The following PNMA6A variants were observed in gnomAD, a reference collection of about 807,000 sequenced individuals.
The protein encoded by PNMA6A is PNMA family member 6A.
For synonymous variants in PNMA6A, 2 were observed against 49.3 expected, an observed-to-expected ratio of 0.04 and a Z score of 4.02; for missense variants, 8 against 103.5, an observed-to-expected ratio of 0.08 and a Z score of 4.00.
Position 153,074,630 on chromosome X carries a change from T to G in PNMA6A, c.*368T>G, listed in dbSNP as rs1313181110. The G allele has an allele frequency of 1.4e-5, 3 of 215,707 alleles. No homozygotes were observed. Among genetic ancestry groups the G allele is most frequent in the East Asian group, 1.2e-4 (1 of 8,142 alleles). The allele number at this position is 215,707 out of a possible 1,213,427, so 17.8% of individuals were successfully genotyped here. On this transcript the variant is annotated 3_prime_UTR_variant, in exon 2 of 2. Coordinates refer to ENST00000421798, the MANE Select transcript of PNMA6A (RefSeq NM_032882.6). ...GCGTAGATCTAGGCCAGGGGCTGCT[T>G]GTTTTTGTGGAGCCGTGTGTGTTCT...
chrX:153,074,465 A>ACCCCCGGGTCCTGTTCTTTCT lies in PNMA6A; in HGVS notation c.*206_*207insCCGGGTCCTGTTCTTTCTCCC. 4.3e-6 allele frequency: 2 copies of ACCCCCGGGTCCTGTTCTTTCT among 469,880 alleles called. No individual in the cohort carries two copies. Among genetic ancestry groups the ACCCCCGGGTCCTGTTCTTTCT allele is most frequent in the Non-Finnish European group, 7.4e-6 (2 of 271,870 alleles). 38.7% of individuals were successfully genotyped at this position (469,880 alleles called of 1,213,427 possible). On this transcript the variant is annotated 3_prime_UTR_variant, in exon 2 of 2. Coordinates refer to ENST00000421798, the MANE Select transcript of PNMA6A (RefSeq NM_032882.6). ...CCTGCCCACCACCACCTTCCCGGTG[A>ACCCCCGGGTCCTGTTCTTTCT]CCCAGATGACCACATTTAATACCAA...
Position 153,074,491 on chromosome X carries a change from A to C in PNMA6A, c.*229A>C. 2.0e-3 allele frequency: 726 copies of C among 370,667 alleles called. No homozygotes were observed. The highest frequency in any genetic ancestry group is 3.9e-3 in the East Asian group (73 of 18,830). The allele number at this position is 370,667 out of a possible 1,213,427, so 30.5% of individuals were successfully genotyped here. A position where few individuals can be genotyped will look rare whatever the true frequency, so the allele number is the denominator to read the frequency against. ...CCCAGATGACCACATTTAATACCAAATGGGGTGGGGGGAGGCGCCCCTCCA... is the reference window on the plus strand; with the variant it reads ...CCCAGATGACCACATTTAATACCAACTGGGGTGGGGGGAGGCGCCCCTCCA... On this transcript the variant is annotated 3_prime_UTR_variant, in exon 2 of 2. Transcript: ENST00000421798.
In PNMA6A at chrX:153,073,015, CCCTATCCT is replaced by C; in HGVS notation, c.-47_-40del. On this transcript the variant is annotated 5_prime_UTR_variant, in exon 2 of 2. Coordinates refer to ENST00000421798, the MANE Select transcript of PNMA6A (RefSeq NM_032882.6). ...GTGCCACCCTGGTCCGCGCTGGGAACCCTATCCTGCCCCTCGTGTCAGCCCGGCACTGG... is the reference window on the plus strand; with the variant it reads ...GTGCCACCCTGGTCCGCGCTGGGAACGCCCCTCGTGTCAGCCCGGCACTGG... 2 of 181,652 alleles carry C rather than the reference CCCTATCCT, an allele frequency of 1.1e-5. No homozygotes were observed. 15.0% of individuals were successfully genotyped at this position (181,652 alleles called of 1,213,427 possible).
chrX:153,074,535 G>A lies in PNMA6A; in HGVS notation c.*273G>A. 2.7e-6 allele frequency: 1 copy of A among 376,844 alleles called. No homozygotes were observed. The highest frequency in any genetic ancestry group is 3.9e-5 in the South Asian group (1 of 25,383). 31.1% of individuals were successfully genotyped at this position (376,844 alleles called of 1,213,427 possible). A position where few individuals can be genotyped will look rare whatever the true frequency, so the allele number is the denominator to read the frequency against. On this transcript the variant is annotated 3_prime_UTR_variant, in exon 2 of 2. Transcript: ENST00000421798. ...CCCTCCAGTGCCAGGGGCACGTGCT[G>A]TGAGCTTCCTGGGAGCCCAGGTTGT...
At position 153,074,460 on chromosome X, in the gene PNMA6A, C is replaced by T. The variant is rs993921311; in HGVS notation, c.*198C>T. Reference sequence around the variant, plus strand: ...GGGGCCCTGCCCACCACCACCTTCCCGGTGACCCAGATGACCACATTTAAT... The same window carrying T: ...GGGGCCCTGCCCACCACCACCTTCCTGGTGACCCAGATGACCACATTTAAT... On this transcript the variant is annotated 3_prime_UTR_variant, in exon 2 of 2. Coordinates refer to ENST00000421798, the MANE Select transcript of PNMA6A (RefSeq NM_032882.6). 113 of 481,778 alleles carry T rather than the reference C, an allele frequency of 2.3e-4. No individual in the cohort carries two copies. The highest frequency in any genetic ancestry group is 2.2e-3 in the African/African-American group (92 of 41,383). The allele number at this position is 481,778 out of a possible 1,213,427, so 39.7% of individuals were successfully genotyped here.
chrX:153,074,534 T>A lies in PNMA6A; in HGVS notation c.*272T>A. 1 of 374,597 alleles carries A rather than the reference T, an allele frequency of 2.7e-6. No individual in the cohort carries two copies. The highest frequency in any genetic ancestry group is 4.8e-6 in the Non-Finnish European group (1 of 207,047). The allele number at this position is 374,597 out of a possible 1,213,427, so 30.9% of individuals were successfully genotyped here. On this transcript the variant is annotated 3_prime_UTR_variant, in exon 2 of 2. Coordinates refer to ENST00000421798, the MANE Select transcript of PNMA6A (RefSeq NM_032882.6). Reference sequence around the variant, plus strand: ...CCCCTCCAGTGCCAGGGGCACGTGCTGTGAGCTTCCTGGGAGCCCAGGTTG... The same window carrying A: ...CCCCTCCAGTGCCAGGGGCACGTGCAGTGAGCTTCCTGGGAGCCCAGGTTG...
Position 153,074,489 on chromosome X carries a change from A to C in PNMA6A, c.*227A>C. 2.3e-6 allele frequency: 1 copy of C among 426,773 alleles called. No individual in the cohort carries two copies. The highest frequency in any genetic ancestry group is 4.1e-6 in the Non-Finnish European group (1 of 241,632). 35.2% of individuals were successfully genotyped at this position (426,773 alleles called of 1,213,427 possible). A position where few individuals can be genotyped will look rare whatever the true frequency, so the allele number is the denominator to read the frequency against. ...GACCCAGATGACCACATTTAATACC[A>C]AATGGGGTGGGGGGAGGCGCCCCTC... On this transcript the variant is annotated 3_prime_UTR_variant, in exon 2 of 2. Coordinates refer to ENST00000421798, the MANE Select transcript of PNMA6A (RefSeq NM_032882.6).
Position 153,074,972 on chromosome X carries a change from A to G in PNMA6A, c.*710A>G, listed in dbSNP as rs1487718867. The G allele has an allele frequency of 8.1e-6, 1 of 122,991 alleles. No individual in the cohort carries two copies. 10.1% of individuals were successfully genotyped at this position (122,991 alleles called of 1,213,427 possible). On this transcript the variant is annotated 3_prime_UTR_variant, in exon 2 of 2. Coordinates refer to ENST00000421798, the MANE Select transcript of PNMA6A (RefSeq NM_032882.6). ...CTGTGTTGTGATTCCCTTCTCTTCAACGGTTTCAGTACATATCTCTCTTCA... is the reference window on the plus strand; with the variant it reads ...CTGTGTTGTGATTCCCTTCTCTTCAGCGGTTTCAGTACATATCTCTCTTCA...
In PNMA6A at chrX:153,074,159, G is replaced by A; in HGVS notation, c.1097G>A (p.Gly366Asp). 2 of 458,910 alleles carry A rather than the reference G, an allele frequency of 4.4e-6. No individual in the cohort carries two copies. Among genetic ancestry groups the A allele is most frequent in the East Asian group, 3.8e-5 (1 of 26,343 alleles). 37.8% of individuals were successfully genotyped at this position (458,910 alleles called of 1,213,427 possible). A position where few individuals can be genotyped will look rare whatever the true frequency, so the allele number is the denominator to read the frequency against. Residue 366 changes from glycine to aspartate, a missense_variant, in exon 2 of 2, where the codon GGT becomes GAT. Gly to Asp is a moderately conservative substitution (Grantham distance 94, BLOSUM62 -1). Coordinates refer to ENST00000421798, the MANE Select transcript of PNMA6A (RefSeq NM_032882.6). The stretch of plus-strand genomic sequence containing the variant: ...ACTAAAGTAGAGGCGGTCCCAGGAG[G>A]TCCTGGTCGGGAGCCAGAGGGCCTC... ...ASTKVEAVPG[G>D]PGREPEGLLQ...
rs941306477 is a variant in PNMA6A at position 153,074,894 on chromosome X, C to T, written c.*632C>T. The T allele has an allele frequency of 1.8e-4, 22 of 124,995 alleles. No homozygotes were observed. Among genetic ancestry groups the T allele is most frequent in the Non-Finnish European group, 1.3e-4 (7 of 54,544 alleles). 10.3% of individuals were successfully genotyped at this position (124,995 alleles called of 1,213,427 possible). ...TTTCCTAGACCTGGGGTGGGTGTTCCCCCAGGAGGAGGGGGGTCCCGACCT... is the reference window on the plus strand; with the variant it reads ...TTTCCTAGACCTGGGGTGGGTGTTCTCCCAGGAGGAGGGGGGTCCCGACCT... On this transcript the variant is annotated 3_prime_UTR_variant, in exon 2 of 2. Transcript: ENST00000421798.
Position 153,074,573 on chromosome X carries a change from C to A in PNMA6A, c.*311C>A. ...GAGCCCAGGTTGTGCTCACTGCTCT[C>A]CCGTATCGTGAGCACCACCTCTGCT... On this transcript the variant is annotated 3_prime_UTR_variant, in exon 2 of 2. Coordinates refer to ENST00000421798, the MANE Select transcript of PNMA6A (RefSeq NM_032882.6). 1 of 313,423 alleles carries A rather than the reference C, an allele frequency of 3.2e-6. No homozygotes were observed. Among genetic ancestry groups the A allele is most frequent in the Non-Finnish European group, 5.8e-6 (1 of 171,576 alleles). 25.8% of individuals were successfully genotyped at this position (313,423 alleles called of 1,213,427 possible).
In PNMA6A at chrX:153,074,398, C is replaced by T. The variant is rs1354614884; in HGVS notation, c.*136C>T. ...AGGCGGGGCCAGGGCCGGTCCCTCA[C>T]CCCACATCGGGATCGGGGCCCCCCA... On this transcript the variant is annotated 3_prime_UTR_variant, in exon 2 of 2. Transcript: ENST00000421798. 8.8e-6 allele frequency: 7 copies of T among 792,025 alleles called. No homozygotes were observed. The African/African-American group carries it at 1.0e-4, about 12-fold the overall frequency. The allele number at this position is 792,025 out of a possible 1,213,427, so 65.3% of individuals were successfully genotyped here. A position where few individuals can be genotyped will look rare whatever the true frequency, so the allele number is the denominator to read the frequency against.
Position 153,074,389 on chromosome X carries a change from G to T in PNMA6A, c.*127G>T, listed in dbSNP as rs1276329672. 4 of 824,293 alleles carry T rather than the reference G, an allele frequency of 4.9e-6. No homozygotes were observed. Among genetic ancestry groups the T allele is most frequent in the African/African-American group, 4.0e-5 (2 of 50,028 alleles). 67.9% of individuals were successfully genotyped at this position (824,293 alleles called of 1,213,427 possible). On this transcript the variant is annotated 3_prime_UTR_variant, in exon 2 of 2. Coordinates refer to ENST00000421798, the MANE Select transcript of PNMA6A (RefSeq NM_032882.6). Reference sequence around the variant, plus strand: ...GACAGGCGGAGGCGGGGCCAGGGCCGGTCCCTCACCCCACATCGGGATCGG... The same window carrying T: ...GACAGGCGGAGGCGGGGCCAGGGCCTGTCCCTCACCCCACATCGGGATCGG...
Position 153,074,485 on chromosome X carries a change from T to G in PNMA6A, c.*223T>G. 1.2e-5 allele frequency: 5 copies of G among 427,226 alleles called. No homozygotes were observed. Among genetic ancestry groups the G allele is most frequent in the Non-Finnish European group, 8.3e-6 (2 of 241,775 alleles). The allele number at this position is 427,226 out of a possible 1,213,427, so 35.2% of individuals were successfully genotyped here. On this transcript the variant is annotated 3_prime_UTR_variant, in exon 2 of 2. Transcript: ENST00000421798. ...CGGTGACCCAGATGACCACATTTAA[T>G]ACCAAATGGGGTGGGGGGAGGCGCC...
In PNMA6A at chrX:153,074,578, A is replaced by G. The variant is rs2051220294; in HGVS notation, c.*316A>G. ...CAGGTTGTGCTCACTGCTCTCCCGT[A>G]TCGTGAGCACCACCTCTGCTTTCCC... On this transcript the variant is annotated 3_prime_UTR_variant, in exon 2 of 2. Coordinates refer to ENST00000421798, the MANE Select transcript of PNMA6A (RefSeq NM_032882.6). 6 of 297,586 alleles carry G rather than the reference A, an allele frequency of 2.0e-5. No individual in the cohort carries two copies. Among genetic ancestry groups the G allele is most frequent in the Non-Finnish European group, 3.1e-5 (5 of 162,423 alleles). 24.5% of individuals were successfully genotyped at this position (297,586 alleles called of 1,213,427 possible).
rs2051222738 is a variant in PNMA6A, at chrX:153,074,987, A to C, written c.*725A>C. ...CTTCTCTTCAACGGTTTCAGTACATATCTCTCTTCAATAAATTTCATTCAG... is the reference window on the plus strand; with the variant it reads ...CTTCTCTTCAACGGTTTCAGTACATCTCTCTCTTCAATAAATTTCATTCAG... On this transcript the variant is annotated 3_prime_UTR_variant, in exon 2 of 2. Coordinates refer to ENST00000421798, the MANE Select transcript of PNMA6A (RefSeq NM_032882.6). The C allele has an allele frequency of 8.1e-6, 1 of 122,912 alleles. No individual in the cohort carries two copies. The highest frequency in any genetic ancestry group is 1.9e-5 in the Non-Finnish European group (1 of 53,836). The allele number at this position is 122,912 out of a possible 1,213,427, so 10.1% of individuals were successfully genotyped here. A position where few individuals can be genotyped will look rare whatever the true frequency, so the allele number is the denominator to read the frequency against.
Position 153,074,404 on chromosome X carries a change from A to G in PNMA6A, c.*142A>G, listed in dbSNP as rs1308813087. On this transcript the variant is annotated 3_prime_UTR_variant, in exon 2 of 2. Coordinates refer to ENST00000421798, the MANE Select transcript of PNMA6A (RefSeq NM_032882.6). ...GGCCAGGGCCGGTCCCTCACCCCAC[A>G]TCGGGATCGGGGCCCCCCACTTCCC... The G allele has an allele frequency of 1.4e-6, 1 of 710,590 alleles. No homozygotes were observed. The highest frequency in any genetic ancestry group is 4.0e-5 in the Admixed American group (1 of 25,168). The allele number at this position is 710,590 out of a possible 1,213,427, so 58.6% of individuals were successfully genotyped here.
In PNMA6A at chrX:153,074,408, G is replaced by T. The variant is rs1603347252; in HGVS notation, c.*146G>T. 1 of 732,329 alleles carries T rather than the reference G, an allele frequency of 1.4e-6. No homozygotes were observed. The highest frequency in any genetic ancestry group is 3.5e-5 in the East Asian group (1 of 28,581). The allele number at this position is 732,329 out of a possible 1,213,427, so 60.4% of individuals were successfully genotyped here. On this transcript the variant is annotated 3_prime_UTR_variant, in exon 2 of 2. Transcript: ENST00000421798. ...AGGGCCGGTCCCTCACCCCACATCG[G>T]GATCGGGGCCCCCCACTTCCCCCCA...
rs1487073356 is a variant in PNMA6A at position 153,074,847 on chromosome X, CCT to C, written c.*586_*587del. On this transcript the variant is annotated 3_prime_UTR_variant, in exon 2 of 2. Coordinates refer to ENST00000421798, the MANE Select transcript of PNMA6A (RefSeq NM_032882.6). ...GAACTTTGTGCTTTGGCGTTCCACC[CCT>C]GTTGTTACTTGTTACTGAGTTTCCT... The C allele has an allele frequency of 3.2e-5, 4 of 126,423 alleles. No homozygotes were observed. The highest frequency in any genetic ancestry group is 7.2e-5 in the Non-Finnish European group (4 of 55,472). The allele number at this position is 126,423 out of a possible 1,213,427, so 10.4% of individuals were successfully genotyped here. A position where few individuals can be genotyped will look rare whatever the true frequency, so the allele number is the denominator to read the frequency against.
Sources: allele counts gnomAD v4.1 joint callset, GRCh38; gene constraint gnomAD v4.1.1; transcripts MANE v1.5; gene names NCBI Gene and HGNC (gene_info 2026-07-23, HGNC 2026-07-21).